GKAP1: variants seen among roughly 807,000 people sequenced by gnomAD.
GKAP1 encodes the protein G kinase-anchoring protein 1.
Under a neutral mutation model 56.7 loss-of-function variants are expected in GKAP1, and 31 were observed. That is an observed-to-expected ratio of 0.55 (90% CI 0.41 to 0.74). The LOEUF is 0.74. GKAP1 is among the 30% of genes least tolerant of loss of function. GKAP1 has a pLI of 0.00. For synonymous variants in GKAP1, 151 were observed against 138.6 expected (o/e 1.09, Z -0.63); for missense variants, 364 against 402.3 (o/e 0.90, Z 0.82).
intron 4 of GKAP1, chr9:83,788,886 A>G (rs1215628156): frequency 2.7e-6 from 1 of 370,444 alleles, no homozygotes; most frequent in Non-Finnish European, 4.8e-6. Flanking sequence ...TGAGATTTCC[A>G]TTTCTCCTCT....
intron 8 of GKAP1, among the ~76,000 whole-genome samples, chr9:83,761,504 A>G (rs1220868046): frequency 6.6e-6 from 1 of 152,164 alleles, no homozygotes; most frequent in Non-Finnish European, 1.5e-5. Flanking sequence ...AATTAATACC[A>G]ATCCTACTCA....
intron 7 of GKAP1, among the ~76,000 whole-genome samples, chr9:83,778,641 C>CGTGACCAAAA: frequency 6.6e-6 from 1 of 151,972 alleles, no homozygotes; most frequent in Non-Finnish European, 1.5e-5. Flanking sequence ...AACAAACCAC[C>CGTGACCAAAA]GTGACCAAAA....
At chr9:83,772,614 T>C (rs1021933440) in intron 7 of GKAP1, among the ~76,000 whole-genome samples, 1 of 152,094 alleles carries the variant, frequency 6.6e-6, no homozygotes, top group Non-Finnish European at 1.5e-5. Context: ...ATCCCCAAAA[T>C]ATGTACATCT....
At position 83,782,355 on chromosome 9, in the gene GKAP1, A is replaced by ATTT. The variant is rs914777066; in HGVS notation, c.563-1954_563-1952dup. On this transcript the variant is annotated intron_variant, in intron 6 of 12. Transcript: ENST00000376371. ...GTGAAATCTTTTTTACTAATCTTGG[A>ATTT]TTTTTTTTTTTTTTTTGAGATAGAT... is the stretch of plus-strand genomic sequence containing the variant. Among the ~76,000 whole-genome samples, 170 of 135,856 alleles carry ATTT rather than the reference A, an allele frequency of 1.3e-3. 1 individual carries two copies. The highest frequency in any genetic ancestry group is 4.3e-3 in the African/African-American group (161 of 37,154). 89.1% of individuals were successfully genotyped at this position (135,856 alleles called of 152,430 possible). A position where few individuals can be genotyped will look rare whatever the true frequency, so the allele number is the denominator to read the frequency against.
intron 8 of GKAP1, among the ~76,000 whole-genome samples, chr9:83,766,073 G>C (rs1228266313): frequency 6.6e-6 from 1 of 152,180 alleles, no homozygotes; most frequent in Non-Finnish European, 1.5e-5. Flanking sequence ...TCCAGGGTGG[G>C]ATCAGGTGGG....
At chr9:83,783,288 G>T (rs545971391) in intron 6 of GKAP1, among the ~76,000 whole-genome samples, 1 of 152,130 alleles carries the variant, frequency 6.6e-6, no homozygotes, top group Non-Finnish European at 1.5e-5. Flanking sequence ...CTATTCTGAC[G>T]GGTATAGACA....
intron 2 of GKAP1, among the ~76,000 whole-genome samples, chr9:83,816,031 CA>C (rs72114457): frequency 0.015 from 1,392 of 91,406 alleles, 21 homozygotes; most frequent in African/African-American, 0.046. Flanking sequence ...ATTAAAAATA[CA>C]AAAAAAAAAA....
At chr9:83,802,503 A>C (rs1944347413) in intron 3 of GKAP1, among the ~76,000 whole-genome samples, 1 of 150,472 alleles carries the variant, frequency 6.6e-6, no homozygotes, top group Middle Eastern at 3.2e-3. Context: ...AAAAAAAAAG[A>C]CCATCGAATG....
rs199567294 is a variant in GKAP1, at chr9:83,806,377, G to A, written c.141C>T (p.Ser47=). The change falls in exon 3 of 13, where the codon AGC becomes AGT. Residue 47 remains serine (S), a synonymous_variant. Transcript: ENST00000376371. ...TTTTTTTCTCATTTGTAGTTGACTT[G>A]CTTCCTAAAGTTTGAGACTTTCCAG... is the stretch of plus-strand genomic sequence containing the variant. ...RNTGKSQTLG[S]KSTTNEKKRE... The A allele has an allele frequency of 2.2e-4, 351 of 1,585,616 alleles. No homozygotes were observed. The highest frequency in any genetic ancestry group is 2.9e-4 in the Non-Finnish European group (336 of 1,165,004).
chr9:83,767,023 G>A (rs1943675627), intron 8 of GKAP1, among the ~76,000 whole-genome samples: 1 of 152,158 alleles, frequency 6.6e-6, no homozygotes. Flanking sequence ...TGGATTGGAG[G>A]TCAATATAGG....
chr9:83,744,875 C>T (rs976761072), intron 10 of GKAP1, among the ~76,000 whole-genome samples: 6 of 152,140 alleles, frequency 3.9e-5, no homozygotes, highest in African/African-American at 1.4e-4. Flanking sequence ...AGAATAAGTG[C>T]TGAGCAAAGG....
intron 3 of GKAP1, among the ~76,000 whole-genome samples, chr9:83,806,080 G>T (rs1237406526): frequency 6.6e-6 from 1 of 151,566 alleles, no homozygotes; most frequent in Non-Finnish European, 1.5e-5. Context: ...TCATCCCACT[G>T]CACTCCAGCC....
intron 2 of GKAP1, among the ~76,000 whole-genome samples, chr9:83,808,265 A>G (rs186606297): frequency 6.6e-6 from 1 of 152,366 alleles, no homozygotes; most frequent in East Asian, 1.9e-4. Context: ...ATTATGGAAA[A>G]GATGAATTCT....
At chr9:83,760,650 G>T (rs1359077937) in intron 8 of GKAP1, among the ~76,000 whole-genome samples, 1 of 152,064 alleles carries the variant, frequency 6.6e-6, no homozygotes, top group Non-Finnish European at 1.5e-5. Context: ...TAACAAAATT[G>T]AAGTAATATC....
intron 7 of GKAP1, among the ~76,000 whole-genome samples, chr9:83,779,486 T>C (rs192304735): frequency 5.1e-4 from 45 of 87,672 alleles, no homozygotes; most frequent in South Asian, 7.7e-4. Flanking sequence ...TATACATACA[T>C]ATATACACAT....
At chr9:83,790,055 C>CT (rs1405996653) in intron 4 of GKAP1, among the ~76,000 whole-genome samples, 1 of 152,088 alleles carries the variant, frequency 6.6e-6, no homozygotes, top group African/African-American at 2.4e-5. Context: ...CTAGAAAAAT[C>CT]TTAATAGACA....
chr9:83,743,502 G>A (rs1371040265), intron 10 of GKAP1, among the ~76,000 whole-genome samples: 1 of 151,708 alleles, frequency 6.6e-6, no homozygotes, highest in East Asian at 2.0e-4. Context: ...GGCTGAGGCA[G>A]GAGAATCACT....
intron 8 of GKAP1, 83 bp from the exon 9 acceptor site, chr9:83,753,442 A>G (rs1012145864): frequency 2.1e-6 from 2 of 936,662 alleles, no homozygotes; most frequent in Non-Finnish European, 3.4e-6. Flanking sequence ...AAAGTTTAAG[A>G]GGAAAAATTC....
At chr9:83,797,930 C>T (rs1324731021) in intron 4 of GKAP1, among the ~76,000 whole-genome samples, 7 of 152,026 alleles carry the variant, frequency 4.6e-5, no homozygotes, top group Non-Finnish European at 8.8e-5. Flanking sequence ...AAACAAGAAT[C>T]GGTCATAATG....
Sources: gnomAD v4.1 joint callset for allele counts (sites outside exome capture counted in the v4.1 genomes callset) on GRCh38, gnomAD v4.1.1 for gene constraint, MANE v1.5 for transcripts, NCBI Gene and HGNC (gene_info 2026-07-23, HGNC 2026-07-21) for gene names.